BANK1: variants seen among roughly 807,000 people sequenced by gnomAD.
BANK1 encodes B-cell scaffold protein with ankyrin repeats.
Under a neutral mutation model 94.5 loss-of-function variants are expected in BANK1, and 95 were observed. That is an observed-to-expected ratio of 1.00 (90% CI 0.85 to 1.19). The LOEUF is 1.19. BANK1 is among the 50% of genes most tolerant of loss of function. The pLI, the probability that BANK1 is intolerant of heterozygous loss-of-function variation, is 0.00. For missense variants in BANK1, 987 were observed against 932.2 expected (o/e 1.06, Z -0.77); for synonymous variants, 334 against 308.4 (o/e 1.08, Z -0.87).
intron 11 of BANK1, among the ~76,000 whole-genome samples, chr4:102,049,833 G>T (rs891526598): frequency 6.6e-6 from 1 of 152,176 alleles, no homozygotes; most frequent in Non-Finnish European, 1.5e-5. Flanking sequence ...GCACTAAGAG[G>T]CAAAATGGTA....
chr4:101,948,525 A>C (rs1724017546), intron 7 of BANK1, among the ~76,000 whole-genome samples: 1 of 152,148 alleles, frequency 6.6e-6, no homozygotes, highest in African/African-American at 2.4e-5. Flanking sequence ...TAAAAATCAA[A>C]GCAATAATTT....
At chr4:101,889,104 T>C (rs1041298624) in intron 5 of BANK1, among the ~76,000 whole-genome samples, 2 of 152,162 alleles carry the variant, frequency 1.3e-5, no homozygotes, top group African/African-American at 4.8e-5. Flanking sequence ...TCATATATAG[T>C]TGTAGGTTAT....
At chr4:101,976,763 G>A (rs982843509) in intron 7 of BANK1, 2 of 152,084 alleles carry the variant, frequency 1.3e-5, no homozygotes, top group Non-Finnish European at 2.9e-5. Flanking sequence ...GAACAACAAT[G>A]TTAAGAAAAT....
At chr4:102,059,809 T>C (rs375344128) in intron 11 of BANK1, among the ~76,000 whole-genome samples, 2 of 152,222 alleles carry the variant, frequency 1.3e-5, no homozygotes, top group African/African-American at 4.8e-5. Flanking sequence ...CTGTTTATTC[T>C]AAAGATATTT....
At chr4:101,850,781 T>C (rs1317610029) in intron 2 of BANK1, among the ~76,000 whole-genome samples, 2 of 152,226 alleles carry the variant, frequency 1.3e-5, no homozygotes, top group African/African-American at 4.8e-5. Flanking sequence ...TGGTGATCTG[T>C]GACAAATGAT....
chr4:101,928,342 T>G (rs961958515), intron 7 of BANK1, among the ~76,000 whole-genome samples: 1 of 151,424 alleles, frequency 6.6e-6, no homozygotes, highest in Non-Finnish European at 1.5e-5. Flanking sequence ...TTCAAGAAAA[T>G]GTAGAGGAGG....
chr4:101,926,613 A>G (rs1337769710), intron 7 of BANK1, among the ~76,000 whole-genome samples: 2 of 151,748 alleles, frequency 1.3e-5, no homozygotes, highest in African/African-American at 4.8e-5. Context: ...ACTATAAATA[A>G]ATAAAGATAT....
intron 1 of BANK1, among the ~76,000 whole-genome samples, chr4:101,815,603 AT>A (rs1395871040): frequency 6.6e-6 from 1 of 152,174 alleles, no homozygotes; most frequent in African/African-American, 2.4e-5. Flanking sequence ...ATTGATAGAT[AT>A]AATAGATTTG....
intron 7 of BANK1, among the ~76,000 whole-genome samples, chr4:101,986,867 G>GTATATATATA (rs1560668327): frequency 4.8e-5 from 3 of 62,954 alleles, no homozygotes; most frequent in African/African-American, 2.9e-4. Flanking sequence ...ATATATATAT[G>GTATATATATA]TGTGTATGTG....
At chr4:101,870,784 C>A in intron 5 of BANK1, 140 bp downstream of exon 5, 2 of 1,020,092 alleles carry the variant, frequency 2.0e-6, no homozygotes, top group Non-Finnish European at 2.7e-6. Flanking sequence ...AGGGAAGAGG[C>A]AACCTCTGTT....
rs1294603763 is a variant in BANK1, at chr4:102,009,811, ATAT to A, written c.1207-11693_1207-11691del. ...AAATGTTATGTAAGTTATTGTTTTT[ATAT>A]TATTATTATGTATATCATATAAATT... On this transcript the variant is annotated intron_variant, in intron 7 of 16. Transcript: ENST00000322953. Among the ~76,000 whole-genome samples the A allele has an allele frequency of 7.9e-5, 12 of 152,174 alleles. 1 individual carries two copies. In the South Asian group the frequency reaches 1.9e-3, roughly 24 times the overall value.
intron 7 of BANK1, among the ~76,000 whole-genome samples, chr4:101,962,135 A>G (rs1397648889): frequency 2.0e-5 from 3 of 152,068 alleles, no homozygotes; most frequent in African/African-American, 7.2e-5. Flanking sequence ...ATTCCTGGAG[A>G]TTGTTCTCTC....
intron 2 of BANK1, among the ~76,000 whole-genome samples, chr4:101,852,869 A>G (rs1727541955): frequency 6.6e-6 from 1 of 151,934 alleles, no homozygotes; most frequent in East Asian, 1.9e-4. Flanking sequence ...ACTTTTTTTT[A>G]CCTAATATCA....
At chr4:101,795,149 T>C (rs1257494396) in intron 1 of BANK1, among the ~76,000 whole-genome samples, 1 of 152,112 alleles carries the variant, frequency 6.6e-6, no homozygotes, top group Non-Finnish European at 1.5e-5. Context: ...CAGGATCATG[T>C]CTAATTTTCA....
intron 7 of BANK1, among the ~76,000 whole-genome samples, chr4:101,933,022 A>G (rs999840085): frequency 1.3e-5 from 2 of 151,522 alleles, no homozygotes; most frequent in African/African-American, 4.8e-5. Context: ...TCACCCGGAA[A>G]ATGTACACTG....
intron 15 of BANK1, 141 bp downstream of exon 15, chr4:102,072,541 C>A: frequency 1.1e-5 from 6 of 538,990 alleles, no homozygotes; most frequent in Non-Finnish European, 1.9e-5. Flanking sequence ...CCTTTGTGTG[C>A]AAAATCTATG....
chr4:102,048,759 G>C (rs915626532), intron 11 of BANK1, among the ~76,000 whole-genome samples: 2 of 152,128 alleles, frequency 1.3e-5, no homozygotes, highest in African/African-American at 4.8e-5. Context: ...AGTGCACTAA[G>C]TTTAAGACTG....
chr4:101,936,221 G>T (rs1367290917), intron 7 of BANK1, among the ~76,000 whole-genome samples: 8 of 140,090 alleles, frequency 5.7e-5, no homozygotes, highest in Non-Finnish European at 7.9e-5. Context: ...ATATGTACAT[G>T]TACACATATA....
intron 11 of BANK1, among the ~76,000 whole-genome samples, chr4:102,058,668 T>C (rs926415915): frequency 1.3e-5 from 2 of 150,472 alleles, no homozygotes; most frequent in African/African-American, 4.9e-5. Context: ...CTAATCCTAA[T>C]TTATCAAGAC....
Sources: allele counts gnomAD v4.1 joint callset (sites outside exome capture counted in the v4.1 genomes callset), GRCh38; gene constraint gnomAD v4.1.1; transcripts MANE v1.5; gene names NCBI Gene and HGNC (gene_info 2026-07-23, HGNC 2026-07-21).